Variants in SPTBN5 observed in about 807,000 individuals in gnomAD.
The protein encoded by SPTBN5 is spectrin beta, non-erythrocytic 5, also known as spectrin beta chain, non-erythrocytic 5.
A neutral mutation model predicts 477.6 loss-of-function variants in SPTBN5; 513 were observed. The ratio of observed to expected loss-of-function variants is 1.07; its 90% CI spans 1.00 to 1.16. The LOEUF is 1.16. SPTBN5 is among the 50% of genes most tolerant of loss of function. The pLI, the probability that SPTBN5 is intolerant of heterozygous loss-of-function variation, is 0.00. For missense variants in SPTBN5, 5,062 were observed against 4,731.8 expected (o/e 1.07, Z -2.05); for synonymous variants, 2,169 against 2,011.7 (o/e 1.08, Z -2.09).
At chr15:41,892,363 C>T (rs187838810) in intron 3 of SPTBN5, among the ~76,000 whole-genome samples, 2 of 152,230 alleles carry the variant, frequency 1.3e-5, no homozygotes, top group Admixed American at 6.5e-5. Flanking sequence ...GAGCTCCGGC[C>T]TCCTTTTAGT....
At position 41,862,786 on chromosome 15, in the gene SPTBN5, G is replaced by A. The variant is rs377566527; in HGVS notation, c.7263+4C>T. 9.0e-6 allele frequency: 14 copies of A among 1,563,926 alleles called. No homozygotes were observed. Among genetic ancestry groups the A allele is most frequent in the Admixed American group, 1.9e-5 (1 of 53,034 alleles). On this transcript the variant is annotated splice_donor_region_variant and intron_variant, in intron 42 of 67. Transcript: ENST00000320955. ...TGGGCCCAGCTCTACAGCCAGCTAC[G>A]CACCTCCACCTGGGCCTGGATGGGG...
chr15:41,884,916 A>G (rs1025948216), intron 7 of SPTBN5, among the ~76,000 whole-genome samples: 1 of 152,232 alleles, frequency 6.6e-6, no homozygotes, highest in Non-Finnish European at 1.5e-5. Flanking sequence ...CCACGTCTGC[A>G]TGGCCAGCTC....
rs1486242183 is a variant in SPTBN5 at position 41,848,561 on chromosome 15, CTTAGA to C, written c.*50_*54del. 6.2e-7 allele frequency: 1 copy of C among 1,610,670 alleles called. No homozygotes were observed. Among genetic ancestry groups the C allele is most frequent in the East Asian group, 2.2e-5 (1 of 44,882 alleles). On this transcript the variant is annotated 3_prime_UTR_variant, in exon 68 of 68. Transcript: ENST00000320955. ...CTGTAGCTGAGTCTTATTCTGGTCC[CTTAGA>C]TGTGTCCTCGCTTGTGCCCCTGAAG...
intron 32 of SPTBN5, among the ~76,000 whole-genome samples, chr15:41,869,099 G>GC (rs1332266135): frequency 6.6e-5 from 10 of 152,222 alleles, no homozygotes; most frequent in African/African-American, 1.9e-4. Context: ...AACTATACAA[G>GC]ATTGGTGCTG....
At position 41,868,132 on chromosome 15, in the gene SPTBN5, C is replaced by T. The variant is rs772535718; in HGVS notation, c.6144G>A (p.Glu2048=). The change falls in exon 34 of 68, where the codon GAG becomes GAA. Residue 2048 remains glutamate (E), a synonymous_variant. Transcript: ENST00000320955. Reference sequence around the variant, plus strand: ...CTCTGAGGAAGAGCTGCTCCTGCTGCTCGGCCTGCAGCCTCTCTTGCTTCC... The same window carrying T: ...CTCTGAGGAAGAGCTGCTCCTGCTGTTCGGCCTGCAGCCTCTCTTGCTTCC... The part of the protein sequence containing the change: ...WARKQERLQA[E]QQEQLFLREC... 2 of 1,597,260 alleles carry T rather than the reference C, an allele frequency of 1.3e-6. No individual in the cohort carries two copies. The highest frequency in any genetic ancestry group is 8.5e-7 in the Non-Finnish European group (1 of 1,173,360).
chr15:41,850,469 T>G (rs945496766), intron 66 of SPTBN5: 8 of 244,330 alleles, frequency 3.3e-5, no homozygotes, highest in Admixed American at 2.0e-4. Context: ...TTCAAAGTTG[T>G]CTGAGGACTA....
At position 41,855,441 on chromosome 15, in the gene SPTBN5, A is replaced by C. The variant is rs2305655; in HGVS notation, c.9219-13T>G. On this transcript the variant is annotated splice_polypyrimidine_tract_variant and intron_variant, in intron 54 of 67. Coordinates refer to ENST00000320955, the MANE Select transcript of SPTBN5 (RefSeq NM_016642.4). The stretch of plus-strand genomic sequence containing the variant: ...TAGCACCTTGGGGCTGTGGGAAGAG[A>C]GCGACAGTCTGGACTGCAGCCCTGC... 1,047,204 of 1,597,816 alleles carry C rather than the reference A, an allele frequency of 0.66. 347,400 individuals carry two copies. The highest frequency in any genetic ancestry group is 0.85 in the East Asian group (37,702 of 44,610).
chr15:41,878,570 T>A lies in SPTBN5; in HGVS notation c.3242A>T (p.Gln1081Leu), dbSNP rs1457674133. Residue 1081 changes from glutamine to leucine, a missense_variant, in exon 17 of 68, where the codon CAG becomes CTG. By Grantham distance (113) the Gln-to-Leu change is moderately radical. Transcript: ENST00000320955. Reference protein sequence around the residue: ...QPLQGQVETLQGLLKQVQEQV... With the variant: ...QPLQGQVETLLGLLKQVQEQV... ...TTCCTGTACTTGCTTCAGCAGCCCC[T>A]GCAGTGTCTCCACCTGTCCTTGCAG... The A allele has an allele frequency of 1.2e-6, 2 of 1,612,872 alleles. No homozygotes were observed. Among genetic ancestry groups the A allele is most frequent in the Admixed American group, 3.3e-5 (2 of 59,978 alleles).
At position 41,882,082 on chromosome 15, in the gene SPTBN5, C is replaced by T; in HGVS notation, c.2311G>A (p.Ala771Thr). ...GCCGCCTGGTCCTGACCGCAGGACGCTCTCTCCAGCGAGGATCGCCGCTCG... is the reference window on the plus strand; with the variant it reads ...GCCGCCTGGTCCTGACCGCAGGACGTTCTCTCCAGCGAGGATCGCCGCTCG... ...LRERRSSLER[A>T]SCGQDQAAAE... The change falls in exon 12 of 68, where the codon GCG becomes ACG. Residue 771 changes from alanine to threonine, a missense_variant. Ala to Thr is a moderately conservative substitution (Grantham distance 58). Transcript: ENST00000320955. 6.4e-7 allele frequency: 1 copy of T among 1,572,372 alleles called. No individual in the cohort carries two copies.
chr15:41,882,626 G>T lies in SPTBN5; in HGVS notation c.2005C>A (p.Arg669=). Reference sequence around the variant, plus strand: ...GCGCCTGCGATCTGGCTGAGATCCCGGCCCAGGGCCGCATTCCCCACCCGC... The same window carrying T: ...GCGCCTGCGATCTGGCTGAGATCCCTGCCCAGGGCCGCATTCCCCACCCGC... ...GQRVGNAALG[R]DLSQIAGALQ... is the part of the protein sequence containing the mutation. The change falls in exon 10 of 68, where the codon CGG becomes AGG. Residue 669 remains arginine (R), a synonymous_variant. Coordinates refer to ENST00000320955, the MANE Select transcript of SPTBN5 (RefSeq NM_016642.4). The T allele has an allele frequency of 6.2e-7, 1 of 1,606,872 alleles. No individual in the cohort carries two copies. Among genetic ancestry groups the T allele is most frequent in the Non-Finnish European group, 8.5e-7 (1 of 1,177,594 alleles).
intron 27 of SPTBN5, 43 bp from the exon 28 acceptor site, chr15:41,871,960 C>T (rs778258656): frequency 1.7e-5 from 26 of 1,486,258 alleles, no homozygotes; most frequent in Middle Eastern, 1.8e-4. Flanking sequence ...AGTTGCCCAC[C>T]CCCCTGGGGG....
At position 41,862,464 on chromosome 15, in the gene SPTBN5, CAG is replaced by C. The variant is rs1273717698; in HGVS notation, c.7385+73_7385+74del. 8 of 1,542,256 alleles carry C rather than the reference CAG, an allele frequency of 5.2e-6. No individual in the cohort carries two copies. In the East Asian group the frequency reaches 1.6e-4, roughly 31 times the overall value. On this transcript the variant is annotated intron_variant, in intron 43 of 67. Coordinates refer to ENST00000320955, the MANE Select transcript of SPTBN5 (RefSeq NM_016642.4). ...GTGGAGAAGGAATCCTAGGGGAACA[CAG>C]GGGCTGAGGGGAGGTGTGGGGACTG...
intron 53 of SPTBN5, 130 bp downstream of exon 53, chr15:41,856,256 T>C: frequency 1.2e-6 from 1 of 852,612 alleles, no homozygotes; most frequent in Non-Finnish European, 1.7e-6. Flanking sequence ...AAGGAAGCCC[T>C]TGGGGGCAGG....
chr15:41,851,978 GCTT>G (rs1210699747), intron 62 of SPTBN5, 128 bp from the exon 63 acceptor site: 1 of 947,778 alleles, frequency 1.1e-6, no homozygotes, highest in East Asian at 2.5e-5. Flanking sequence ...ACCCTGCTTA[GCTT>G]CTAAGATCAG....
chr15:41,861,927 G>T lies in SPTBN5; in HGVS notation c.7549-4C>A. 6.3e-7 allele frequency: 1 copy of T among 1,597,410 alleles called. No individual in the cohort carries two copies. The highest frequency in any genetic ancestry group is 1.1e-5 in the South Asian group (1 of 88,992). On this transcript the variant is annotated splice_polypyrimidine_tract_variant and splice_region_variant and intron_variant, in intron 44 of 67. Transcript: ENST00000320955. ...CTGTCCAGGAGTCCAGCTCGGCCTG[G>T]AACAGGACTGGGCTCAGATCACTGG... is the stretch of plus-strand genomic sequence containing the variant.
chr15:41,851,436 G>T, intron 63 of SPTBN5, 67 bp from the exon 64 acceptor site: 2 of 1,156,966 alleles, frequency 1.7e-6, no homozygotes, highest in African/African-American at 1.5e-5. Context: ...GCCTGTCCAC[G>T]CCTCACCATG....
chr15:41,853,248 G>A lies in SPTBN5; in HGVS notation c.10170+10C>T, dbSNP rs372004228. 13 of 1,578,142 alleles carry A rather than the reference G, an allele frequency of 8.2e-6. No individual in the cohort carries two copies. In the East Asian group the frequency reaches 2.0e-4, roughly 25 times the overall value. On this transcript the variant is annotated intron_variant, in intron 59 of 67. Transcript: ENST00000320955. ...CAGCCCAACCCCAGGCCCACCCTCT[G>A]AGTTCACACCTCCGCAGACATGAAG...
chr15:41,854,906 AG>A lies in SPTBN5; in HGVS notation c.9493del (p.Leu3165Ter), dbSNP rs753433193. ...QSLGQAKVYA[L>X]RKLAGTLERG... ...CTCCAGGGTGCCTGCCAACTTCCTC[AG>A]GGCATACACCTTGGCCTGGCCCAGG... On this transcript the variant is annotated frameshift_variant, in exon 56 of 68. Coordinates refer to ENST00000320955, the MANE Select transcript of SPTBN5 (RefSeq NM_016642.4). LOFTEE classifies it high-confidence loss of function. The A allele has an allele frequency of 6.2e-7, 1 of 1,607,874 alleles. No individual in the cohort carries two copies. Among genetic ancestry groups the A allele is most frequent in the Non-Finnish European group, 8.5e-7 (1 of 1,177,218 alleles).
In SPTBN5 at chr15:41,874,038, T is replaced by C. The variant is rs746965909; in HGVS notation, c.4697A>G (p.Gln1566Arg). 6.3e-7 allele frequency: 1 copy of C among 1,592,068 alleles called. No homozygotes were observed. Among genetic ancestry groups the C allele is most frequent in the South Asian group, 1.1e-5 (1 of 90,166 alleles). Residue 1566 changes from glutamine to arginine, a missense_variant, in exon 25 of 68, where the codon CAG becomes CGG. Physicochemically the swap from Gln to Arg is conservative, Grantham distance 43 (BLOSUM62 1). Transcript: ENST00000320955. The stretch of plus-strand genomic sequence containing the variant: ...CCCCTGGTGAGCTTTTACCTCCACC[T>C]GGAGCTCCTGCCACAGAGTGGCTTG... ...QSLHRKHKEL[Q>R]VEVKAHQGQV...
Sources: gnomAD v4.1 joint callset for allele counts (sites outside exome capture counted in the v4.1 genomes callset) on GRCh38, gnomAD v4.1.1 for gene constraint, MANE v1.5 for transcripts, NCBI Gene and HGNC (gene_info 2026-07-23, HGNC 2026-07-21) for gene names.